The following LRRC8D variants were observed in gnomAD, a reference collection of about 807,000 sequenced individuals.
LRRC8D encodes volume-regulated anion channel subunit LRRC8D.
A neutral mutation model predicts 55.8 loss-of-function variants in LRRC8D; 20 were observed. That is an observed-to-expected ratio of 0.36 (90% confidence interval 0.25 to 0.52). The LOEUF (loss-of-function observed/expected upper bound fraction) is 0.52. Ranked by LOEUF, LRRC8D falls within the 20% of genes least tolerant of loss-of-function variation. The pLI, the probability that LRRC8D is intolerant of heterozygous loss-of-function variation, is 0.93. For missense variants in LRRC8D, 651 were observed against 1,030.8 expected (o/e 0.63, Z 5.05); for synonymous variants, 352 against 377.0 (o/e 0.93, Z 0.77).
intron 1 of LRRC8D, among the ~76,000 whole-genome samples, chr1:89,823,928 G>C (rs1241496619): frequency 1.3e-5 from 2 of 152,314 alleles, no homozygotes; most frequent in South Asian, 4.1e-4. Context: ...ACTAATAAAG[G>C]AGGGTAGAGG....
At chr1:89,925,795 G>T (rs1320274615) in intron 2 of LRRC8D, among the ~76,000 whole-genome samples, 2 of 152,176 alleles carry the variant, frequency 1.3e-5, no homozygotes, top group African/African-American at 4.8e-5. Context: ...TTTTTGGTGG[G>T]TAAAATGGTA....
At chr1:89,837,767 C>T (rs898471986) in intron 1 of LRRC8D, among the ~76,000 whole-genome samples, 1 of 152,152 alleles carries the variant, frequency 6.6e-6, no homozygotes, top group Non-Finnish European at 1.5e-5. Flanking sequence ...TCAGGTACTC[C>T]GTTTCTCTTT....
intron 2 of LRRC8D, among the ~76,000 whole-genome samples, chr1:89,891,880 T>C (rs1249301688): frequency 6.6e-6 from 1 of 152,202 alleles, no homozygotes; most frequent in East Asian, 1.9e-4. Context: ...TAACTTTCAT[T>C]TGCCCCTCTG....
In LRRC8D at chr1:89,934,491, C is replaced by G. The variant is rs1442559745; in HGVS notation, c.1423C>G (p.His475Asp). The part of the protein sequence containing the change: ...SRNAQDKQEL[H>D]LFMLSGVPDA... ...CAACGCCCAGGACAAGCAGGAGTTG[C>G]ATCTGTTCATGCTGTCGGGGGTGCC... The change falls in exon 3 of 3, where the codon CAT (histidine) becomes GAT (aspartate). Residue 475 changes from histidine to aspartate, a missense_variant. Physicochemically the swap from His to Asp is moderately conservative, Grantham distance 81. Coordinates refer to ENST00000337338, the MANE Select transcript of LRRC8D (RefSeq NM_001134479.2). This position sits in a 1 kb window ranked among gnomAD's most constrained non-coding sequence, Gnocchi z 5.9. 5 of 1,614,060 alleles carry G rather than the reference C, an allele frequency of 3.1e-6. No individual in the cohort carries two copies. Among genetic ancestry groups the G allele is most frequent in the Non-Finnish European group, 8.5e-7 (1 of 1,180,040 alleles).
At chr1:89,868,847 G>A (rs1661921206) in intron 2 of LRRC8D, among the ~76,000 whole-genome samples, 1 of 152,130 alleles carries the variant, frequency 6.6e-6, no homozygotes, top group African/African-American at 2.4e-5. Flanking sequence ...CAGTAATTGG[G>A]AGGATATAGA....
chr1:89,908,240 CTG>C (rs1663044419), intron 2 of LRRC8D, among the ~76,000 whole-genome samples: 1 of 152,194 alleles, frequency 6.6e-6, no homozygotes, highest in Non-Finnish European at 1.5e-5. Context: ...TTACTCTAGT[CTG>C]TTGTTATTTC....
intron 2 of LRRC8D, chr1:89,929,764 T>C (rs987340203): frequency 2.0e-5 from 3 of 152,222 alleles, no homozygotes; most frequent in African/African-American, 7.2e-5. Flanking sequence ...GAAAACCAAA[T>C]TCCCAACATC....
At chr1:89,848,856 C>T (rs544910093) in intron 2 of LRRC8D, among the ~76,000 whole-genome samples, 2 of 152,120 alleles carry the variant, frequency 1.3e-5, no homozygotes, top group East Asian at 1.9e-4. Flanking sequence ...CCCACCACCA[C>T]GCTGGCTAAT....
At chr1:89,905,615 T>C (rs1015011385) in intron 2 of LRRC8D, among the ~76,000 whole-genome samples, 1 of 152,188 alleles carries the variant, frequency 6.6e-6, no homozygotes, top group Non-Finnish European at 1.5e-5. Flanking sequence ...ATGATGCACT[T>C]TGGAGAATAT....
chr1:89,866,577 T>C (rs1661855089), intron 2 of LRRC8D, among the ~76,000 whole-genome samples: 1 of 152,230 alleles, frequency 6.6e-6, no homozygotes, highest in African/African-American at 2.4e-5. Context: ...TTTCTGGAAG[T>C]GTTCTGGCGT....
chr1:89,883,845 C>T (rs1662342031), intron 2 of LRRC8D, among the ~76,000 whole-genome samples: 1 of 152,182 alleles, frequency 6.6e-6, no homozygotes, highest in South Asian at 2.1e-4. Context: ...TTCTGTTCAG[C>T]ACTAGCAGCC....
intron 2 of LRRC8D, among the ~76,000 whole-genome samples, chr1:89,882,696 A>T (rs530600125): frequency 6.6e-6 from 1 of 152,366 alleles, no homozygotes; most frequent in South Asian, 2.1e-4. Context: ...GTGCTAATAA[A>T]TGTTGATTGA....
intron 2 of LRRC8D, among the ~76,000 whole-genome samples, chr1:89,905,634 G>GTC (rs1207974371): frequency 6.6e-6 from 1 of 152,148 alleles, no homozygotes; most frequent in Non-Finnish European, 1.5e-5. Flanking sequence ...ATGGCTTTGG[G>GTC]TCTGCAGCCA....
intron 2 of LRRC8D, among the ~76,000 whole-genome samples, chr1:89,910,047 G>A (rs535994297): frequency 2.0e-5 from 3 of 152,100 alleles, no homozygotes; most frequent in Non-Finnish European, 4.4e-5. Flanking sequence ...GTAGGCCTAA[G>A]TGAGTTGTTT....
intron 2 of LRRC8D, among the ~76,000 whole-genome samples, chr1:89,896,410 A>G (rs1477116374): frequency 1.3e-5 from 2 of 152,192 alleles, no homozygotes; most frequent in African/African-American, 4.8e-5. Context: ...TCACGTAGCT[A>G]GTGGCCAAGC....
chr1:89,840,242 C>CAT (rs1661100504), intron 1 of LRRC8D, among the ~76,000 whole-genome samples: 1 of 152,060 alleles, frequency 6.6e-6, no homozygotes, highest in African/African-American at 2.4e-5. Flanking sequence ...CACACACACA[C>CAT]AAAAGCATAA....
chr1:89,930,676 C>T (rs942991832), intron 2 of LRRC8D, among the ~76,000 whole-genome samples: 6 of 152,018 alleles, frequency 3.9e-5, no homozygotes, highest in Non-Finnish European at 5.9e-5. Context: ...ATGACTGTTA[C>T]GTTCCTTGCC....
intron 2 of LRRC8D, among the ~76,000 whole-genome samples, chr1:89,903,303 A>G (rs957615437): frequency 2.0e-5 from 3 of 152,176 alleles, no homozygotes; most frequent in Non-Finnish European, 4.4e-5. Flanking sequence ...TTTCACAGTG[A>G]AAGTTGTTTG....
At chr1:89,825,000 G>C (rs1471713148) in intron 1 of LRRC8D, among the ~76,000 whole-genome samples, 1 of 152,194 alleles carries the variant, frequency 6.6e-6, no homozygotes, top group Non-Finnish European at 1.5e-5. Context: ...GTGAGCTGCT[G>C]CATCCTGTAT....
Sources: allele counts gnomAD v4.1 joint callset (sites outside exome capture counted in the v4.1 genomes callset), GRCh38; gene constraint gnomAD v4.1.1; non-coding constraint Gnocchi (gnomAD v3.1); transcripts MANE v1.5; gene names NCBI Gene and HGNC (gene_info 2026-07-23, HGNC 2026-07-21).